Variants in NELL2 observed in about 807,000 individuals in gnomAD.
The protein encoded by NELL2 is protein kinase C-binding protein NELL2.
A neutral mutation model predicts 109.6 loss-of-function variants in NELL2; 41 were observed. The ratio of observed to expected loss-of-function variants is 0.37; its 90% CI spans 0.29 to 0.49. The LOEUF (loss-of-function observed/expected upper bound fraction) is 0.49. NELL2 is among the 20% of genes least tolerant of loss of function. The pLI is 0.98. For synonymous variants in NELL2, 355 were observed against 344.7 expected, an observed-to-expected ratio of 1.03 and a Z score of -0.33; for missense variants, 900 against 1,008.3, an observed-to-expected ratio of 0.89 and a Z score of 1.45.
At chr12:44,625,579 T>C (rs1391042404) in intron 13 of NELL2, among the ~76,000 whole-genome samples, 1 of 152,050 alleles carries the variant, frequency 6.6e-6, no homozygotes, top group Non-Finnish European at 1.5e-5. Context: ...GATTGAATGT[T>C]TTCATGCATT....
At chr12:44,802,083 G>A (rs1942850897) in intron 3 of NELL2, among the ~76,000 whole-genome samples, 1 of 151,954 alleles carries the variant, frequency 6.6e-6, no homozygotes, top group Admixed American at 6.6e-5. Context: ...ATATTTATCA[G>A]TTCGTATTAC....
At chr12:44,649,870 C>G (rs1256531286) in intron 13 of NELL2, among the ~76,000 whole-genome samples, 2 of 152,164 alleles carry the variant, frequency 1.3e-5, no homozygotes, top group Non-Finnish European at 2.9e-5. Context: ...CAGGGCTCTT[C>G]CCACTAAGTG....
chr12:44,768,319 T>G (rs1471558509), intron 9 of NELL2, among the ~76,000 whole-genome samples: 1 of 152,122 alleles, frequency 6.6e-6, no homozygotes, highest in East Asian at 1.9e-4. Flanking sequence ...AAGGGTTTTT[T>G]TTTTAATTAA....
At chr12:44,721,688 A>G (rs1284680422) in intron 9 of NELL2, among the ~76,000 whole-genome samples, 1 of 152,140 alleles carries the variant, frequency 6.6e-6, no homozygotes, top group Non-Finnish European at 1.5e-5. Flanking sequence ...AAGATATTGA[A>G]CACAAAATGC....
intron 15 of NELL2, among the ~76,000 whole-genome samples, chr12:44,536,444 G>A (rs568341520): frequency 6.6e-6 from 1 of 151,714 alleles, no homozygotes; most frequent in Non-Finnish European, 1.5e-5. Flanking sequence ...ACTTTCTTTA[G>A]GTTAGTTAAA....
In NELL2 at chr12:44,540,781, C is replaced by CAAAAAAA. The variant is rs57205620; in HGVS notation, c.1664-8067_1664-8061dup. Among the ~76,000 whole-genome samples the CAAAAAAA allele has an allele frequency of 3.2e-3, 157 of 49,636 alleles. 11 individuals are homozygous for CAAAAAAA. Among genetic ancestry groups the CAAAAAAA allele is most frequent in the African/African-American group, 0.012 (143 of 11,886 alleles). The allele number at this position is 49,636 out of a possible 152,430, so 32.6% of individuals were successfully genotyped here. A position where few individuals can be genotyped will look rare whatever the true frequency, so the allele number is the denominator to read the frequency against. On this transcript the variant is annotated intron_variant, in intron 15 of 19. Transcript: ENST00000429094. ...AGCTTACTAATGTAAGTCTGCAAGC[C>CAAAAAAA]AAAAAAAAAAAAAAAAAGCCCATCC...
At position 44,647,395 on chromosome 12, in the gene NELL2, C is replaced by T. The variant is rs138169450; in HGVS notation, c.1444+18089G>A. Among the ~76,000 whole-genome samples, 746 of 152,284 alleles carry T rather than the reference C, an allele frequency of 4.9e-3. 9 individuals are homozygous for T. The highest frequency in any genetic ancestry group is 0.017 in the African/African-American group (716 of 41,544). On this transcript the variant is annotated intron_variant, in intron 13 of 19. Transcript: ENST00000429094. ...AATCTGACAACTTAATCAAGTTATT[C>T]AACCTCTCTGAGATTTAGCTTTCTC... is the stretch of plus-strand genomic sequence containing the variant.
chr12:44,664,538 T>G (rs1027191508), intron 13 of NELL2, among the ~76,000 whole-genome samples: 6 of 152,074 alleles, frequency 3.9e-5, no homozygotes, highest in Non-Finnish European at 5.9e-5. Flanking sequence ...AAAGTGATAC[T>G]TCTATTATAG....
intron 2 of NELL2, among the ~76,000 whole-genome samples, chr12:44,828,594 A>G (rs1317922521): frequency 2.0e-5 from 3 of 152,206 alleles, no homozygotes; most frequent in African/African-American, 7.2e-5. Context: ...ATAAGCATTA[A>G]TCAACTAATC....
intron 1 of NELL2, among the ~76,000 whole-genome samples, chr12:44,903,991 C>G (rs1220335322): frequency 6.6e-6 from 1 of 151,912 alleles, no homozygotes; most frequent in Non-Finnish European, 1.5e-5. Flanking sequence ...ACCTATGTAA[C>G]AAACCTGCAC....
At chr12:44,675,210 A>G (rs1303245064) in intron 12 of NELL2, among the ~76,000 whole-genome samples, 3 of 152,180 alleles carry the variant, frequency 2.0e-5, no homozygotes, top group Admixed American at 2.0e-4. Context: ...GGGTGAGAAT[A>G]AAGAAGCCTG....
chr12:44,805,104 A>T (rs1374509620), intron 3 of NELL2, among the ~76,000 whole-genome samples: 1 of 151,892 alleles, frequency 6.6e-6, no homozygotes, highest in Admixed American at 6.6e-5. Flanking sequence ...AATTTCAAAG[A>T]AGATAATAGA....
Position 44,508,806 on chromosome 12 carries a change from G to T in NELL2, c.*128C>A. The T allele has an allele frequency of 2.7e-6, 2 of 749,892 alleles. No homozygotes were observed. Among genetic ancestry groups the T allele is most frequent in the South Asian group, 1.8e-5 (1 of 55,548 alleles). 46.5% of individuals were successfully genotyped at this position (749,892 alleles called of 1,614,324 possible). On this transcript the variant is annotated 3_prime_UTR_variant, in exon 20 of 20. Coordinates refer to ENST00000429094, the MANE Select transcript of NELL2 (RefSeq NM_001145108.2). ...AGCTCCACAAATTTCATAATTGAAA[G>T]TTCACTCAGCTATTAACAAAGCTGC... is the stretch of plus-strand genomic sequence containing the variant.
At chr12:44,801,863 C>T (rs562227695) in intron 3 of NELL2, among the ~76,000 whole-genome samples, 14 of 151,924 alleles carry the variant, frequency 9.2e-5, no homozygotes, top group African/African-American at 3.4e-4. Flanking sequence ...ATTTATTAGC[C>T]ATCTATACGA....
At chr12:44,824,092 T>C (rs1478516635) in intron 2 of NELL2, among the ~76,000 whole-genome samples, 3 of 152,256 alleles carry the variant, frequency 2.0e-5, no homozygotes, top group Non-Finnish European at 4.4e-5. Flanking sequence ...ATTTGTTTTC[T>C]TGCTATTGAG....
At chr12:44,671,953 A>G in intron 12 of NELL2, among the ~76,000 whole-genome samples, 1 of 152,206 alleles carries the variant, frequency 6.6e-6, no homozygotes, top group East Asian at 1.9e-4. Flanking sequence ...GAAAGAGCCA[A>G]TTATAAGAAA....
chr12:44,510,736 T>C (rs1235097097), intron 19 of NELL2, among the ~76,000 whole-genome samples: 3 of 152,186 alleles, frequency 2.0e-5, no homozygotes, highest in South Asian at 2.1e-4. Flanking sequence ...CTCCAGCCCC[T>C]AACATATTCC....
At chr12:44,672,106 AC>A (rs2136351969) in intron 12 of NELL2, among the ~76,000 whole-genome samples, 1 of 152,346 alleles carries the variant, frequency 6.6e-6, no homozygotes, top group Non-Finnish European at 1.5e-5. Context: ...CTAGAACAGG[AC>A]AGTGAGTCCC....
At chr12:44,581,197 C>G (rs1271424879) in intron 15 of NELL2, among the ~76,000 whole-genome samples, 2 of 152,064 alleles carry the variant, frequency 1.3e-5, no homozygotes, top group African/African-American at 2.4e-5. Flanking sequence ...TTTTTACTTA[C>G]CAATGTGCCA....
Sources: allele counts gnomAD v4.1 joint callset (sites outside exome capture counted in the v4.1 genomes callset), GRCh38; gene constraint gnomAD v4.1.1; transcripts MANE v1.5; gene names NCBI Gene and HGNC (gene_info 2026-07-23, HGNC 2026-07-21).